MRPS28: variants seen among roughly 807,000 people sequenced by gnomAD.
MRPS28 encodes mitochondrial ribosomal protein S28.
A neutral mutation model predicts 10.8 loss-of-function variants in MRPS28; 7 were observed. The ratio of observed to expected loss-of-function variants is 0.65; its 90% confidence interval spans 0.37 to 1.22. The LOEUF (loss-of-function observed/expected upper bound fraction) is 1.22, where lower values mean the gene tolerates loss of function less well. Ranked by LOEUF, MRPS28 falls within the 50% of genes most tolerant of loss-of-function variation. The pLI, the probability that MRPS28 is intolerant of heterozygous loss-of-function variation, is 0.02. For synonymous variants in MRPS28, 121 were observed against 93.3 expected (o/e 1.30, Z -1.71); for missense variants, 265 against 232.9 (o/e 1.14, Z -0.90).
chr8:79,935,558 G>T (rs10957947), intron 2 of MRPS28, among the ~76,000 whole-genome samples: 63 of 152,262 alleles, frequency 4.1e-4, no homozygotes, highest in African/African-American at 1.5e-3. Context: ...TGTAAGCTTA[G>T]ATCTGTGATT....
At chr8:80,015,572 C>T (rs1809173013) in intron 1 of MRPS28, among the ~76,000 whole-genome samples, 1 of 152,210 alleles carries the variant, frequency 6.6e-6, no homozygotes, top group South Asian at 2.1e-4. Context: ...CACACCCTAT[C>T]ACCACATTAC....
Position 79,918,916 on chromosome 8 carries a change from C to A in MRPS28, c.*64G>T. ...ATTCAATCATTTATTCACAATTAGT[C>A]TAATTGCATTCTTGATGAATAACTG... is the stretch of plus-strand genomic sequence containing the variant. On this transcript the variant is annotated 3_prime_UTR_variant, in exon 3 of 3. Coordinates refer to ENST00000276585, the MANE Select transcript of MRPS28 (RefSeq NM_014018.3). 8.2e-7 allele frequency: 1 copy of A among 1,215,164 alleles called. No homozygotes were observed. The highest frequency in any genetic ancestry group is 1.1e-6 in the Non-Finnish European group (1 of 908,932). The allele number at this position is 1,215,164 out of a possible 1,614,324, so 75.3% of individuals were successfully genotyped here.
chr8:79,921,265 C>T (rs930847106), intron 2 of MRPS28, among the ~76,000 whole-genome samples: 31 of 152,046 alleles, frequency 2.0e-4, no homozygotes, highest in African/African-American at 7.0e-4. Flanking sequence ...ATTGACTTGG[C>T]GATGTGGGCT....
intron 2 of MRPS28, 117 bp from the exon 3 acceptor site, chr8:79,919,265 C>A: frequency 1.4e-6 from 1 of 713,394 alleles, no homozygotes; most frequent in Admixed American, 3.8e-5. Flanking sequence ...ATGAAGTTAA[C>A]ACTGGTATCT....
intron 1 of MRPS28, among the ~76,000 whole-genome samples, chr8:80,005,873 C>A (rs1191879356): frequency 3.3e-5 from 5 of 152,234 alleles, no homozygotes. Flanking sequence ...CAACAAAGAT[C>A]AAAAGAGACA....
rs1385805691 is a variant in MRPS28, at chr8:80,018,913, A to G, written c.213+11123T>C. On this transcript the variant is annotated intron_variant, in intron 1 of 2. Coordinates refer to ENST00000276585, the MANE Select transcript of MRPS28 (RefSeq NM_014018.3). ...CCAGGCACAGAAAGACAAACTTTAC[A>G]TGTTATTATCTGTGGGAGTTAAAAA... 3.3e-5 allele frequency among the ~76,000 whole-genome samples: 5 copies of G among 152,214 alleles called. No homozygotes were observed. The East Asian group carries it at 9.6e-4, about 29-fold the overall frequency.
At chr8:80,018,833 T>G (rs1809274469) in intron 1 of MRPS28, among the ~76,000 whole-genome samples, 1 of 152,242 alleles carries the variant, frequency 6.6e-6, no homozygotes, top group South Asian at 2.1e-4. Flanking sequence ...AATGAGATCC[T>G]GTCACTTGCA....
At chr8:80,029,803 G>A (rs528190242) in intron 1 of MRPS28, 2 of 1,525,238 alleles carry the variant, frequency 1.3e-6, no homozygotes, top group South Asian at 2.4e-5. Flanking sequence ...GCGCAGTGTG[G>A]ACAGACCCGG....
intron 2 of MRPS28, among the ~76,000 whole-genome samples, chr8:79,924,682 A>G (rs1249859912): frequency 1.3e-5 from 2 of 152,226 alleles, no homozygotes; most frequent in Non-Finnish European, 2.9e-5. Flanking sequence ...TTAGCTATAT[A>G]AAACACTGTA....
chr8:79,926,964 T>C (rs1011307195), intron 2 of MRPS28, among the ~76,000 whole-genome samples: 2 of 152,330 alleles, frequency 1.3e-5, no homozygotes, highest in African/African-American at 2.4e-5. Flanking sequence ...ACAAAATCAC[T>C]GATTAATGCG....
At chr8:79,982,645 C>A (rs575518081) in intron 2 of MRPS28, among the ~76,000 whole-genome samples, 1 of 152,298 alleles carries the variant, frequency 6.6e-6, no homozygotes, top group Admixed American at 6.5e-5. Flanking sequence ...CCTATACCCA[C>A]GGAGTCTCGC....
intron 2 of MRPS28, among the ~76,000 whole-genome samples, chr8:79,965,771 A>G (rs116703956): frequency 1.3e-3 from 192 of 152,220 alleles, no homozygotes; most frequent in African/African-American, 4.5e-3. Context: ...CATATAAGTG[A>G]TAACAGGAAG....
intron 2 of MRPS28, among the ~76,000 whole-genome samples, chr8:79,948,997 G>A (rs1036464108): frequency 4.6e-5 from 7 of 152,174 alleles, no homozygotes; most frequent in African/African-American, 1.7e-4. Context: ...TAAAGAGTGG[G>A]AAATCGAGTA....
At chr8:80,027,314 T>C (rs980518237) in intron 1 of MRPS28, among the ~76,000 whole-genome samples, 2 of 152,220 alleles carry the variant, frequency 1.3e-5, no homozygotes, top group Non-Finnish European at 1.5e-5. Context: ...GTTGAAGCAT[T>C]ATCTCCACTT....
At chr8:79,962,398 G>A (rs141023890) in intron 2 of MRPS28, among the ~76,000 whole-genome samples, 11 of 152,158 alleles carry the variant, frequency 7.2e-5, no homozygotes, top group Non-Finnish European at 1.6e-4. Flanking sequence ...CAGGCCAGTG[G>A]GCATCCTGAG....
Position 80,005,612 on chromosome 8 carries a change from A to C in MRPS28, c.214-2432T>G, listed in dbSNP as rs143798783. Among the ~76,000 whole-genome samples, 958 of 152,362 alleles carry C rather than the reference A, an allele frequency of 6.3e-3. 9 individuals are homozygous for C. The highest frequency in any genetic ancestry group is 0.022 in the African/African-American group (894 of 41,574). ...AACAACCAGCTAACATCATAATGAC[A>C]GGATCAAATTCACACATAACAATAC... On this transcript the variant is annotated intron_variant, in intron 1 of 2. Transcript: ENST00000276585.
At chr8:79,980,197 T>C (rs1807918259) in intron 2 of MRPS28, among the ~76,000 whole-genome samples, 1 of 152,150 alleles carries the variant, frequency 6.6e-6, no homozygotes. Flanking sequence ...ACTTTGGGGG[T>C]AAGTACTATC....
At chr8:79,950,068 G>C (rs1807041500) in intron 2 of MRPS28, among the ~76,000 whole-genome samples, 2 of 151,822 alleles carry the variant, frequency 1.3e-5, no homozygotes, top group East Asian at 1.9e-4. Context: ...AAAACAAAAA[G>C]CTCCCAAGCA....
At chr8:80,011,120 T>G (rs1809030773) in intron 1 of MRPS28, among the ~76,000 whole-genome samples, 1 of 147,426 alleles carries the variant, frequency 6.8e-6, no homozygotes, top group South Asian at 2.1e-4. Flanking sequence ...GCCATTCTTT[T>G]TTTTTTATTT....
Sources: allele counts gnomAD v4.1 joint callset (sites outside exome capture counted in the v4.1 genomes callset), GRCh38; gene constraint gnomAD v4.1.1; transcripts MANE v1.5; gene names NCBI Gene and HGNC (gene_info 2026-07-23, HGNC 2026-07-21).